The following ZGRF1 variants were observed in gnomAD, a reference collection of about 807,000 sequenced individuals.
ZGRF1 encodes the protein 5'-3' DNA helicase ZGRF1.
ZGRF1 carries 196 observed loss-of-function variants against 203.5 expected under a neutral mutation model. The ratio of observed to expected loss-of-function variants is 0.96; its 90% CI spans 0.86 to 1.08. ZGRF1 has a LOEUF of 1.08. Among genes scored for constraint, ZGRF1 ranks in the 50% least tolerant of loss-of-function variants. ZGRF1 has a pLI of 0.00. For missense variants in ZGRF1, 2,326 were observed against 2,416.3 expected, an observed-to-expected ratio of 0.96 and a Z score of 0.78; for synonymous variants, 809 against 841.3, an observed-to-expected ratio of 0.96 and a Z score of 0.66.
chr4:112,597,875 C>G (rs578149354), intron 10 of ZGRF1, among the ~76,000 whole-genome samples: 1 of 146,316 alleles, frequency 6.8e-6, no homozygotes, highest in Non-Finnish European at 1.5e-5. Flanking sequence ...CAGAGCCAGA[C>G]TGTCTCAAAA....
rs762150616 is a variant in ZGRF1, at chr4:112,618,287, C to G, written c.1755G>C (p.Glu585Asp). The G allele has an allele frequency of 1.9e-6, 3 of 1,613,904 alleles. No homozygotes were observed. In the East Asian group the frequency reaches 6.7e-5, roughly 36 times the overall value. Residue 585 changes from glutamate (E) to aspartate (D), a missense_variant, in exon 6 of 28, where the codon GAG (glutamate) becomes GAC (aspartate). Physicochemically the swap from Glu to Asp is conservative, Grantham distance 45. Coordinates refer to ENST00000505019, the MANE Select transcript of ZGRF1 (RefSeq NM_018392.5). Reference protein sequence around the residue: ...RSENTNCEEIEGEHLPFLTSV... With the variant: ...RSENTNCEEIDGEHLPFLTSV... ...ATGTTAAGAATGGCAAATGTTCACC[C>G]TCAATCTCTTCACAGTTTGTATTCT...
Position 112,619,406 on chromosome 4 carries a change from A to C in ZGRF1, c.636T>G (p.Tyr212Ter). 1 of 1,613,326 alleles carries C rather than the reference A, an allele frequency of 6.2e-7. No individual in the cohort carries two copies. Among genetic ancestry groups the C allele is most frequent in the Non-Finnish European group, 8.5e-7 (1 of 1,179,498 alleles). Residue 212 changes from tyrosine to a stop codon, truncating the protein, a stop_gained, in exon 6 of 28, where the codon TAT (tyrosine) becomes TAG (stop). Transcript: ENST00000505019. LOFTEE classifies it high-confidence loss of function. ...TTCCAGAATTGACAGGTGAGCAAAA[A>C]TAATTTTCTTCACACAGCACTTCTG... is the stretch of plus-strand genomic sequence containing the variant. Reference protein sequence around the residue: ...INPEVLCEENYFCSPVNSGNK... With the variant: ...INPEVLCEEN
intron 6 of ZGRF1, among the ~76,000 whole-genome samples, chr4:112,613,728 C>T (rs1372617479): frequency 6.6e-6 from 1 of 152,132 alleles, no homozygotes; most frequent in Non-Finnish European, 1.5e-5. Context: ...CAAAGGAGTG[C>T]AGGGTGGCTA....
rs181113222 is a variant in ZGRF1 at position 112,604,190 on chromosome 4, C to G, written c.2803-493G>C. Among the ~76,000 whole-genome samples, 189 of 151,288 alleles carry G rather than the reference C, an allele frequency of 1.2e-3. 1 individual carries two copies. The highest frequency in any genetic ancestry group is 4.5e-3 in the African/African-American group (185 of 41,174). ...AGTGAGCTGAGATCACGCCACTGCA[C>G]TCCAGCCTGGGTGACATAGAGAGAT... On this transcript the variant is annotated intron_variant, in intron 9 of 27. Coordinates refer to ENST00000505019, the MANE Select transcript of ZGRF1 (RefSeq NM_018392.5).
At chr4:112,585,882 G>T (rs1048532572) in intron 13 of ZGRF1, among the ~76,000 whole-genome samples, 157 bp from the exon 14 acceptor site, 13 of 149,970 alleles carry the variant, frequency 8.7e-5, no homozygotes, top group African/African-American at 3.0e-4. Flanking sequence ...AAATTTAACA[G>T]GTCATTTGTA....
chr4:112,606,062 AGT>A lies in ZGRF1; in HGVS notation c.2746_2747del (p.Thr916CysfsTer8). ...QFSSSGSKEE[T>X]AFQAVIPKQI... ...GTTTAGGAATAACAGCTTGAAAAGC[AGT>A]CTCTTCTTTACTTCCCGAGGAAGAG... On this transcript the variant is annotated frameshift_variant, in exon 9 of 28. Coordinates refer to ENST00000505019, the MANE Select transcript of ZGRF1 (RefSeq NM_018392.5). LOFTEE classifies it high-confidence loss of function. 1 of 1,604,670 alleles carries A rather than the reference AGT, an allele frequency of 6.2e-7. No homozygotes were observed. The highest frequency in any genetic ancestry group is 1.3e-5 in the African/African-American group (1 of 74,616).
rs751656807 is a variant in ZGRF1 at position 112,618,534 on chromosome 4, A to G, written c.1508T>C (p.Ile503Thr). The G allele has an allele frequency of 6.2e-7, 1 of 1,613,430 alleles. No individual in the cohort carries two copies. Among genetic ancestry groups the G allele is most frequent in the Non-Finnish European group, 8.5e-7 (1 of 1,179,690 alleles). Residue 503 changes from isoleucine (I) to threonine (T), a missense_variant, in exon 6 of 28, where the codon ATT becomes ACT. Ile to Thr is a moderately conservative substitution (Grantham distance 89). Coordinates refer to ENST00000505019, the MANE Select transcript of ZGRF1 (RefSeq NM_018392.5). ...SRISDDITDM[I>T]SESKMDNESL... ...TTCATTATCCATTTTACTTTCAGAA[A>G]TCATGTCTGTAATGTCATCAGAGAT...
chr4:112,616,110 G>T (rs1255406491), intron 6 of ZGRF1, among the ~76,000 whole-genome samples: 3 of 152,036 alleles, frequency 2.0e-5, no homozygotes, highest in Non-Finnish European at 4.4e-5. Flanking sequence ...ATTTGTAAAG[G>T]TTTCTTACTA....
intron 16 of ZGRF1, among the ~76,000 whole-genome samples, chr4:112,564,215 T>C (rs1038358569): frequency 6.6e-6 from 1 of 152,206 alleles, no homozygotes; most frequent in Non-Finnish European, 1.5e-5. Flanking sequence ...TAATATACTA[T>C]TCCATTTTCA....
At chr4:112,610,900 T>C (rs1751480168) in intron 7 of ZGRF1, 1 of 273,036 alleles carries the variant, frequency 3.7e-6, no homozygotes, top group African/African-American at 2.3e-5. Context: ...GGGGAAAGGA[T>C]ATAAAACTAT....
At chr4:112,625,573 G>A (rs796996220) in intron 3 of ZGRF1, among the ~76,000 whole-genome samples, 3 of 126,728 alleles carry the variant, frequency 2.4e-5, no homozygotes, top group South Asian at 2.6e-4. Flanking sequence ...GCGACAGAGC[G>A]AGATTCCGTC....
rs1180373375 is a variant in ZGRF1, at chr4:112,553,899, C to CT, written c.5281dup (p.Arg1761LysfsTer9). 1 of 1,613,596 alleles carries CT rather than the reference C, an allele frequency of 6.2e-7. No individual in the cohort carries two copies. The highest frequency in any genetic ancestry group is 1.3e-5 in the African/African-American group (1 of 74,942). ...CTCAATGCTTTTTCTCACATAGACT[C>CT]TTTCCGTAGGAGTCAGGTCTTCTTT... On this transcript the variant is annotated frameshift_variant, in exon 22 of 28. Coordinates refer to ENST00000505019, the MANE Select transcript of ZGRF1 (RefSeq NM_018392.5). LOFTEE classifies it high-confidence loss of function.
chr4:112,614,188 T>C (rs1275544931), intron 6 of ZGRF1, among the ~76,000 whole-genome samples: 2 of 152,236 alleles, frequency 1.3e-5, no homozygotes, highest in Non-Finnish European at 2.9e-5. Context: ...AAAAGTATGT[T>C]ATACCCTAGT....
intron 7 of ZGRF1, among the ~76,000 whole-genome samples, chr4:112,611,264 G>A (rs965753697): frequency 6.6e-6 from 1 of 152,062 alleles, no homozygotes; most frequent in Non-Finnish European, 1.5e-5. Flanking sequence ...TTAGCTGGGT[G>A]TGGTGGCACG....
intron 3 of ZGRF1, among the ~76,000 whole-genome samples, chr4:112,625,131 T>G (rs889224671): frequency 6.6e-6 from 1 of 152,162 alleles, no homozygotes; most frequent in African/African-American, 2.4e-5. Flanking sequence ...CTAAAAAATT[T>G]TTTTTATTAG....
intron 16 of ZGRF1, among the ~76,000 whole-genome samples, chr4:112,564,784 T>C (rs35967151): frequency 0.33 from 50,849 of 152,176 alleles, 10,078 homozygotes; most frequent in South Asian, 0.48. Context: ...GAATGTCTTC[T>C]ATGTGATATA....
At chr4:112,585,795 G>C in intron 13 of ZGRF1, 70 bp from the exon 14 acceptor site, 1 of 1,126,820 alleles carries the variant, frequency 8.9e-7, no homozygotes. Flanking sequence ...CATATGTGCT[G>C]TTTGTAGCTA....
chr4:112,587,934 A>G lies in ZGRF1; in HGVS notation c.3128-5T>C. 6.6e-7 allele frequency: 1 copy of G among 1,514,246 alleles called. No homozygotes were observed. The highest frequency in any genetic ancestry group is 2.5e-5 in the East Asian group (1 of 40,670). The allele number at this position is 1,514,246 out of a possible 1,614,324, so 93.8% of individuals were successfully genotyped here. On this transcript the variant is annotated splice_polypyrimidine_tract_variant and splice_region_variant and intron_variant, in intron 11 of 27. Transcript: ENST00000505019. ...GAGAACGGGATTTTTTCATCCCTGA[A>G]AGAAAACAGAATGCTGATTAAATAA...
intron 16 of ZGRF1, chr4:112,565,166 A>C (rs1190786308): frequency 1.4e-5 from 21 of 1,476,304 alleles, no homozygotes; most frequent in Non-Finnish European, 1.9e-5. Flanking sequence ...AAGTCCACTG[A>C]ACTTCTGATT....
Sources: gnomAD v4.1 joint callset for allele counts (sites outside exome capture counted in the v4.1 genomes callset) on GRCh38, gnomAD v4.1.1 for gene constraint, MANE v1.5 for transcripts, NCBI Gene and HGNC (gene_info 2026-07-23, HGNC 2026-07-21) for gene names.